FAM167A: variants seen among roughly 807,000 people sequenced by gnomAD.
FAM167A encodes the protein protein FAM167A.
FAM167A carries 23 observed loss-of-function variants against 14.9 expected under a neutral mutation model. That is an observed-to-expected ratio of 1.55 (90% CI 1.11 to 2.19). FAM167A has a LOEUF of 2.19. Among genes scored for constraint, FAM167A ranks in the 30% most tolerant of loss-of-function variants. FAM167A has a pLI of 0.00. For missense variants in FAM167A, 401 were observed against 281.5 expected (o/e 1.42, Z -3.04); for synonymous variants, 174 against 117.7 (o/e 1.48, Z -3.10).
Position 11,424,485 on chromosome 8 carries a change from G to C in FAM167A, c.533C>G (p.Ala178Gly). The change falls in exon 3 of 3, where the codon GCC (alanine) becomes GGC (glycine). Residue 178 changes from alanine (A) to glycine (G), a missense_variant. Coordinates refer to ENST00000284486, the MANE Select transcript of FAM167A (RefSeq NM_053279.3). ...TYELEERDEL[A>G]DLFCDSPLAS... ...AAGAGGGGAGTCACAGAAGAGGTCG[G>C]CCAGCTCATCCCGCTCCTCCAGCTC... The C allele has an allele frequency of 2.5e-6, 4 of 1,614,184 alleles. No homozygotes were observed. Among genetic ancestry groups the C allele is most frequent in the Non-Finnish European group, 3.4e-6 (4 of 1,180,012 alleles).
chr8:11,467,598 A>G (rs1362550287), upstream of FAM167A: 1 of 152,388 alleles, frequency 6.6e-6, no homozygotes, highest in Non-Finnish European at 1.5e-5. Context: ...TTCTCACGAT[A>G]GCCCTGGGCG....
chr8:11,433,000 T>C (rs531360110), intron 2 of FAM167A, among the ~76,000 whole-genome samples: 33 of 152,060 alleles, frequency 2.2e-4, no homozygotes, highest in Admixed American at 1.8e-3. Context: ...TACTCATAAG[T>C]AGGAGTTGAA....
intron 2 of FAM167A, among the ~76,000 whole-genome samples, chr8:11,426,907 C>CGG (rs981178335): frequency 7.9e-5 from 12 of 152,126 alleles, no homozygotes; most frequent in Admixed American, 2.6e-4. Flanking sequence ...TCGTCTCAGG[C>CGG]GAGCAGAGGG....
At chr8:11,442,513 C>A (rs944276393) in intron 2 of FAM167A, among the ~76,000 whole-genome samples, 1 of 152,162 alleles carries the variant, frequency 6.6e-6, no homozygotes, top group Admixed American at 6.5e-5. Flanking sequence ...AGCCTCAGCT[C>A]CCACAGGCAA....
In FAM167A at chr8:11,422,656, C is replaced by G. The variant is rs1465923284; in HGVS notation, c.*1717G>C. 1 of 152,208 alleles carries G rather than the reference C, an allele frequency of 6.6e-6. No homozygotes were observed. Among genetic ancestry groups the G allele is most frequent in the Non-Finnish European group, 1.5e-5 (1 of 68,030 alleles). The allele number at this position is 152,208 out of a possible 1,614,324, so 9.4% of individuals were successfully genotyped here. On this transcript the variant is annotated 3_prime_UTR_variant, in exon 3 of 3. Coordinates refer to ENST00000284486, the MANE Select transcript of FAM167A (RefSeq NM_053279.3). ...AAAAAGAGACCAAGTTCTTTTCTGT[C>G]TACTAGAGATCATTCATTTGCATTG...
Position 11,443,950 on chromosome 8 carries a change from CAGACAGAGAG to C in FAM167A, c.381+71_381+80del, listed in dbSNP as rs1806603305. ...GAAATACATGGTGGGGGTGGGGAGACAGACAGAGAGAGACAGAAAAAGACACAGAGAGACG... is the reference window on the plus strand; with the variant it reads ...GAAATACATGGTGGGGGTGGGGAGACAGACAGAAAAAGACACAGAGAGACG... On this transcript the variant is annotated intron_variant, in intron 2 of 2. Coordinates refer to ENST00000284486, the MANE Select transcript of FAM167A (RefSeq NM_053279.3). 2.6e-5 allele frequency: 39 copies of C among 1,492,814 alleles called. No homozygotes were observed. In the South Asian group the frequency reaches 4.3e-4, roughly 17 times the overall value. The allele number at this position is 1,492,814 out of a possible 1,614,324, so 92.5% of individuals were successfully genotyped here.
intron 1 of FAM167A, among the ~76,000 whole-genome samples, chr8:11,455,877 G>T (rs1441767902): frequency 8.4e-6 from 1 of 118,830 alleles, no homozygotes; most frequent in Non-Finnish European, 1.8e-5. Flanking sequence ...TGTGAGTGTG[G>T]GGTGGTTGCC....
chr8:11,435,526 A>C (rs7018402), intron 2 of FAM167A, among the ~76,000 whole-genome samples: 130,957 of 152,208 alleles, frequency 0.86, 56,630 homozygotes, highest in African/African-American at 0.92. Flanking sequence ...TTTCCACACT[A>C]CATTACCCAG....
intron 1 of FAM167A, among the ~76,000 whole-genome samples, chr8:11,474,956 A>G (rs1329513729): frequency 6.6e-6 from 1 of 151,930 alleles, no homozygotes; most frequent in Non-Finnish European, 1.5e-5. Flanking sequence ...GGGAAGAGAG[A>G]AAGGTTCAGA....
rs1563350013 is a variant in FAM167A, at chr8:11,422,366, GT to G, written c.*2006del. ...GGCATGTTCTCTGTCGTGTGTGTGT[GT>G]GTGGGGGTGTGTGTGTGTGTGTGTG... On this transcript the variant is annotated 3_prime_UTR_variant, in exon 3 of 3. Transcript: ENST00000284486. 25 of 110,822 alleles carry G rather than the reference GT, an allele frequency of 2.3e-4. No individual in the cohort carries two copies. Among genetic ancestry groups the G allele is most frequent in the African/African-American group, 9.9e-4 (20 of 20,162 alleles). The allele number at this position is 110,822 out of a possible 1,614,324, so 6.9% of individuals were successfully genotyped here.
intron 1 of FAM167A, among the ~76,000 whole-genome samples, chr8:11,447,883 G>A (rs565850203): frequency 2.6e-5 from 4 of 152,288 alleles, no homozygotes; most frequent in African/African-American, 4.8e-5. Flanking sequence ...ACGAAGATGC[G>A]GGGCTCCTTG....
intron 1 of FAM167A, among the ~76,000 whole-genome samples, chr8:11,473,938 T>C (rs991225938): frequency 3.3e-5 from 5 of 152,128 alleles, no homozygotes; most frequent in African/African-American, 1.2e-4. Context: ...AGTGGCGCAA[T>C]ACCAGCTCAC....
intron 1 of FAM167A, among the ~76,000 whole-genome samples, chr8:11,449,673 G>A (rs1806943933): frequency 6.6e-6 from 1 of 152,222 alleles, no homozygotes; most frequent in Admixed American, 6.5e-5. Context: ...CAGCAGCAGT[G>A]GGGACAAGCC....
intron 1 of FAM167A, among the ~76,000 whole-genome samples, chr8:11,455,042 T>A (rs1807174099): frequency 6.6e-6 from 1 of 152,206 alleles, no homozygotes; most frequent in Non-Finnish European, 1.5e-5. Flanking sequence ...AGAGCCGGTG[T>A]CAGGAGCCCT....
intron 2 of FAM167A, among the ~76,000 whole-genome samples, chr8:11,442,517 C>A (rs577280914): frequency 6.6e-6 from 1 of 152,202 alleles, no homozygotes; most frequent in African/African-American, 2.4e-5. Context: ...TCAGCTCCCA[C>A]AGGCAATAAA....
intron 2 of FAM167A, chr8:11,438,189 A>G (rs1252384639): frequency 6.6e-6 from 3 of 453,678 alleles, no homozygotes; most frequent in Admixed American, 2.4e-5. Flanking sequence ...CAGCCCCGGA[A>G]TCGCCATGAG....
At position 11,424,457 on chromosome 8, in the gene FAM167A, G is replaced by C; in HGVS notation, c.561C>G (p.Ala187=). The C allele has an allele frequency of 6.2e-7, 1 of 1,614,150 alleles. No individual in the cohort carries two copies. Among genetic ancestry groups the C allele is most frequent in the Non-Finnish European group, 8.5e-7 (1 of 1,180,022 alleles). The stretch of plus-strand genomic sequence containing the variant: ...GTGGTGTGGAGAGGCTGAAGGAGGA[G>C]GCAAGAGGGGAGTCACAGAAGAGGT... ...LADLFCDSPL[A]SSFSLSTPLK... The change falls in exon 3 of 3, where the codon GCC becomes GCG. Residue 187 remains alanine, a synonymous_variant. Coordinates refer to ENST00000284486, the MANE Select transcript of FAM167A (RefSeq NM_053279.3).
intron 2 of FAM167A, among the ~76,000 whole-genome samples, chr8:11,429,672 G>C (rs1805440839): frequency 6.6e-6 from 1 of 152,204 alleles, no homozygotes; most frequent in African/African-American, 2.4e-5. Flanking sequence ...AGCACCCAGA[G>C]CTGGAAGACT....
At chr8:11,430,580 G>A (rs561953664) in intron 2 of FAM167A, among the ~76,000 whole-genome samples, 2 of 152,308 alleles carry the variant, frequency 1.3e-5, no homozygotes, top group African/African-American at 2.4e-5. Flanking sequence ...AAGTCATTTT[G>A]AAAAATTTTA....
Sources: allele counts gnomAD v4.1 joint callset (sites outside exome capture counted in the v4.1 genomes callset), GRCh38; gene constraint gnomAD v4.1.1; transcripts MANE v1.5; gene names NCBI Gene and HGNC (gene_info 2026-07-23, HGNC 2026-07-21).